PTER: variants seen among roughly 807,000 people sequenced by gnomAD.
PTER encodes N-acetyltaurine hydrolase.
PTER carries 38 observed loss-of-function variants against 29.6 expected under a neutral mutation model. The ratio of observed to expected loss-of-function variants is 1.28; its 90% CI spans 0.99 to 1.68. The LOEUF (loss-of-function observed/expected upper bound fraction) is 1.68. PTER is among the 40% of genes most tolerant of loss of function. The probability of loss-of-function intolerance (pLI) is 0.00; values close to 1 mark genes in which losing one functional copy is unlikely to be tolerated. For missense variants in PTER, 482 were observed against 427.8 expected (o/e 1.13, Z -1.12); for synonymous variants, 172 against 154.5 (o/e 1.11, Z -0.84).
chr10:16,438,391 C>G (rs114644828), intron 1 of PTER, among the ~76,000 whole-genome samples: 19 of 151,938 alleles, frequency 1.3e-4, no homozygotes, highest in East Asian at 3.9e-4. Context: ...TCACTTCCCC[C>G]GTTCAAGTGA....
At chr10:16,468,777 C>A (rs766791554) in intron 1 of PTER, among the ~76,000 whole-genome samples, 1 of 151,510 alleles carries the variant, frequency 6.6e-6, no homozygotes, top group African/African-American at 2.4e-5. Context: ...AGTTCAAAAC[C>A]AGCCTGGGCA....
At chr10:16,485,135 G>A (rs182571526) in intron 2 of PTER, among the ~76,000 whole-genome samples, 1 of 152,212 alleles carries the variant, frequency 6.6e-6, no homozygotes, top group African/African-American at 2.4e-5. Context: ...CTCAGTATTG[G>A]CACCACAGTC....
chr10:16,503,765 C>T (rs1836454965), intron 3 of PTER, among the ~76,000 whole-genome samples: 1 of 152,180 alleles, frequency 6.6e-6, no homozygotes, highest in African/African-American at 2.4e-5. Context: ...GTCTGGAACA[C>T]CTGACCTCAA....
downstream of PTER, among the ~76,000 whole-genome samples, chr10:16,515,026 T>C (rs943344139): frequency 1.3e-5 from 2 of 152,152 alleles, no homozygotes; most frequent in African/African-American, 4.8e-5. Flanking sequence ...TCGATCCCTA[T>C]GCCCAATCAC....
chr10:16,463,708 G>A (rs1191501802), intron 1 of PTER, among the ~76,000 whole-genome samples: 5 of 152,210 alleles, frequency 3.3e-5, no homozygotes, highest in Non-Finnish European at 7.3e-5. Flanking sequence ...GAGCCACCAT[G>A]CCCGGCCAAC....
rs556892446 is a variant in PTER at position 16,440,528 on chromosome 10, C to G, written c.-49+3481C>G. On this transcript the variant is annotated intron_variant, in intron 1 of 4. Coordinates refer to ENST00000535784, the MANE Select transcript of PTER (RefSeq NM_001261836.2). ...CACCTGAGTACAAATACCTCTGTGCCTGCTCAGCGTGAGAGCTGTGAATGT... is the reference window on the plus strand; with the variant it reads ...CACCTGAGTACAAATACCTCTGTGCGTGCTCAGCGTGAGAGCTGTGAATGT... 7.9e-5 allele frequency among the ~76,000 whole-genome samples: 12 copies of G among 152,332 alleles called. No homozygotes were observed. The South Asian group carries it at 2.5e-3, about 32-fold the overall frequency.
chr10:16,484,736 G>A lies in PTER; in HGVS notation c.352G>A (p.Gly118Ser), dbSNP rs759171266. ...GTTGAAGAGGCTTGCAGAAGAGACT[G>A]GCGTCCATATCATATCTGGAGCCGG... ...QTLKRLAEET[G>S]VHIISGAGFY... is the part of the protein sequence containing the mutation. Residue 118 changes from glycine (G) to serine (S), a missense_variant, in exon 2 of 5, where the codon GGC (glycine) becomes AGC (serine). Physicochemically the swap from Gly to Ser is moderately conservative, Grantham distance 56. Coordinates refer to ENST00000535784, the MANE Select transcript of PTER (RefSeq NM_001261836.2). 4 of 1,613,928 alleles carry A rather than the reference G, an allele frequency of 2.5e-6. No homozygotes were observed. The highest frequency in any genetic ancestry group is 2.5e-6 in the Non-Finnish European group (3 of 1,180,004).
intron 3 of PTER, among the ~76,000 whole-genome samples, chr10:16,495,931 T>C (rs1836079633): frequency 6.6e-6 from 1 of 152,264 alleles, no homozygotes; most frequent in Admixed American, 6.5e-5. Context: ...CTCCTTGTTC[T>C]TGTTATTTAA....
chr10:16,488,823 C>G (rs1260166657), intron 3 of PTER, among the ~76,000 whole-genome samples: 1 of 152,174 alleles, frequency 6.6e-6, no homozygotes, highest in Non-Finnish European at 1.5e-5. Context: ...AGGCTGGTCT[C>G]AAACTCCTGA....
intron 1 of PTER, among the ~76,000 whole-genome samples, chr10:16,446,551 A>G (rs1834019351): frequency 6.6e-6 from 1 of 152,096 alleles, no homozygotes; most frequent in African/African-American, 2.4e-5. Context: ...CAAGTTTAAA[A>G]TGTTCTCCAT....
intron 1 of PTER, among the ~76,000 whole-genome samples, chr10:16,451,683 G>A (rs1335661519): frequency 6.6e-6 from 1 of 152,178 alleles, no homozygotes; most frequent in African/African-American, 2.4e-5. Context: ...CTGCACTCCA[G>A]CCTGCACAAC....
chr10:16,496,213 G>A (rs1389790582), intron 3 of PTER, among the ~76,000 whole-genome samples: 1 of 152,050 alleles, frequency 6.6e-6, no homozygotes, highest in African/African-American at 2.4e-5. Flanking sequence ...CTTAGTTTTG[G>A]TCCCAGATCT....
At chr10:16,466,281 C>CT (rs1834821727) in intron 1 of PTER, among the ~76,000 whole-genome samples, 1 of 146,850 alleles carries the variant, frequency 6.8e-6, no homozygotes, top group African/African-American at 2.6e-5. Context: ...GCTGTCAGAC[C>CT]TTTTTCTGTT....
chr10:16,490,332 C>T (rs903316692), intron 3 of PTER, among the ~76,000 whole-genome samples: 8 of 152,034 alleles, frequency 5.3e-5, no homozygotes, highest in African/African-American at 1.9e-4. Context: ...GGTGAACTAG[C>T]CAGGGACCAT....
chr10:16,482,039 G>T (rs1214855950), intron 1 of PTER, among the ~76,000 whole-genome samples: 1 of 152,168 alleles, frequency 6.6e-6, no homozygotes, highest in Admixed American at 6.5e-5. Context: ...TCTCTGAAGA[G>T]ACACTGCCTG....
Position 16,465,632 on chromosome 10 carries a change from C to T in PTER, c.-48-18705C>T, listed in dbSNP as rs892505903. 1.1e-4 allele frequency among the ~76,000 whole-genome samples: 16 copies of T among 152,244 alleles called. No individual in the cohort carries two copies. In the South Asian group the frequency reaches 2.9e-3, roughly 28 times the overall value. ...GTATGGAACTGAAGGGTGGATAGAACAGAAATATTTGCTCATTGGTTGAGC... is the reference window on the plus strand; with the variant it reads ...GTATGGAACTGAAGGGTGGATAGAATAGAAATATTTGCTCATTGGTTGAGC... On this transcript the variant is annotated intron_variant, in intron 1 of 4. Transcript: ENST00000535784.
chr10:16,516,980 C>A (rs959843468), downstream of PTER, among the ~76,000 whole-genome samples: 2 of 152,184 alleles, frequency 1.3e-5, no homozygotes, highest in African/African-American at 4.8e-5. Context: ...GGCTGCTCAC[C>A]TGATCCTACT....
intron 1 of PTER, among the ~76,000 whole-genome samples, chr10:16,479,492 A>T (rs1428524136): frequency 6.6e-6 from 1 of 152,176 alleles, no homozygotes; most frequent in Non-Finnish European, 1.5e-5. Flanking sequence ...CTTTAAAAAA[A>T]AAAAGGATGC....
chr10:16,438,829 G>C (rs1265406426), intron 1 of PTER, among the ~76,000 whole-genome samples: 1 of 149,930 alleles, frequency 6.7e-6, no homozygotes, highest in East Asian at 2.0e-4. Context: ...GCTGAGGCAC[G>C]AGAATTGCTT....
Sources: allele counts gnomAD v4.1 joint callset (sites outside exome capture counted in the v4.1 genomes callset), GRCh38; gene constraint gnomAD v4.1.1; transcripts MANE v1.5; gene names NCBI Gene and HGNC (gene_info 2026-07-23, HGNC 2026-07-21).